RANBP2: variants seen among roughly 807,000 people sequenced by gnomAD.
RANBP2 encodes RAN binding protein 2.
A neutral mutation model predicts 303.6 loss-of-function variants in RANBP2; 57 were observed. The observed-to-expected ratio is 0.19, with a 90% CI of 0.15 to 0.23. RANBP2 has a LOEUF of 0.23. Among genes scored for constraint, RANBP2 ranks in the 10% least tolerant of loss-of-function variants. The probability of loss-of-function intolerance (pLI) is 1.00; values close to 1 mark genes in which losing one functional copy is unlikely to be tolerated. For missense variants in RANBP2, 3,138 were observed against 3,780.8 expected, an observed-to-expected ratio of 0.83 and a Z score of 4.46; for synonymous variants, 1,167 against 1,301.5, an observed-to-expected ratio of 0.90 and a Z score of 2.23.
chr2:109,066,397 G>A, the RANBP2 span, among the ~76,000 whole-genome samples: 3 of 152,128 alleles, frequency 2.0e-5, no homozygotes, highest in Non-Finnish European at 2.9e-5. Context: ...GTGAGCCACC[G>A]TGCTGGCCGT....
the RANBP2 span, among the ~76,000 whole-genome samples, chr2:109,061,626 A>G: frequency 6.6e-6 from 1 of 152,222 alleles, no homozygotes; most frequent in African/African-American, 2.4e-5. Context: ...GTCATGGCTA[A>G]TAAATGCAAT....
chr2:109,069,448 G>A, the RANBP2 span, among the ~76,000 whole-genome samples: 7 of 152,228 alleles, frequency 4.6e-5, no homozygotes, highest in Admixed American at 1.3e-4. Flanking sequence ...TTCCTCACTC[G>A]TGAAGCCATC....
chr2:109,341,299 T>C, the RANBP2 span, among the ~76,000 whole-genome samples: 6 of 152,226 alleles, frequency 3.9e-5, no homozygotes. Flanking sequence ...AACTTCTTCA[T>C]CGCGGATTAA....
chr2:109,168,944 G>A, the RANBP2 span, among the ~76,000 whole-genome samples: 106 of 152,246 alleles, frequency 7.0e-4, no homozygotes, highest in African/African-American at 2.5e-3. Flanking sequence ...TCATCTTCTC[G>A]AGGGCTCAGT....
the RANBP2 span, among the ~76,000 whole-genome samples, chr2:109,069,165 C>G: frequency 2.6e-5 from 4 of 152,108 alleles, no homozygotes; most frequent in South Asian, 8.3e-4. Flanking sequence ...TAATGTATCT[C>G]AGACATATAC....
At chr2:109,222,303 A>G in the RANBP2 span, among the ~76,000 whole-genome samples, 1 of 152,366 alleles carries the variant, frequency 6.6e-6, no homozygotes, top group East Asian at 1.9e-4. Flanking sequence ...TTAGTTAACA[A>G]CAATTTATTG....
the RANBP2 span, among the ~76,000 whole-genome samples, chr2:109,306,605 G>T: frequency 6.6e-6 from 1 of 152,182 alleles, no homozygotes; most frequent in Non-Finnish European, 1.5e-5. Context: ...TGCCATGGCC[G>T]CAACCCACTG....
At chr2:109,645,877 C>T in the RANBP2 span, among the ~76,000 whole-genome samples, 1 of 152,152 alleles carries the variant, frequency 6.6e-6, no homozygotes, top group African/African-American at 2.4e-5. Context: ...TACTGGCTCT[C>T]AGGGGTGCGC....
intron 7 of RANBP2, among the ~76,000 whole-genome samples, chr2:108,742,142 ATG>A (rs1274543734): frequency 2.0e-5 from 3 of 151,566 alleles, no homozygotes; most frequent in South Asian, 2.1e-4. Flanking sequence ...GATTACAGGC[ATG>A]CGCCACCACG....
At chr2:109,394,062 C>T in the RANBP2 span, among the ~76,000 whole-genome samples, 7 of 152,134 alleles carry the variant, frequency 4.6e-5, no homozygotes, top group Non-Finnish European at 8.8e-5. Context: ...CCCAGCCCCA[C>T]CCTCGGACGC....
At chr2:109,369,497 T>C in the RANBP2 span, among the ~76,000 whole-genome samples, 1 of 152,278 alleles carries the variant, frequency 6.6e-6, no homozygotes, top group Non-Finnish European at 1.5e-5. Context: ...TACGTTTTTC[T>C]GGCCTATAAT....
At chr2:109,523,538 G>C in the RANBP2 span, among the ~76,000 whole-genome samples, 1 of 151,868 alleles carries the variant, frequency 6.6e-6, no homozygotes, top group Non-Finnish European at 1.5e-5. Context: ...CTTATGTGTA[G>C]AATGGGTAGG....
the RANBP2 span, among the ~76,000 whole-genome samples, chr2:109,582,258 A>C: frequency 6.6e-6 from 1 of 152,172 alleles, no homozygotes; most frequent in South Asian, 2.1e-4. Flanking sequence ...TAGTTGGAAG[A>C]ATCAATATAG....
chr2:109,535,610 GGT>G, the RANBP2 span, among the ~76,000 whole-genome samples: 1 of 152,340 alleles, frequency 6.6e-6, no homozygotes, highest in East Asian at 1.9e-4. Flanking sequence ...TGTCTCCACA[GGT>G]GTGTTTCTGC....
At chr2:109,354,142 G>A in the RANBP2 span, among the ~76,000 whole-genome samples, 1 of 152,134 alleles carries the variant, frequency 6.6e-6, no homozygotes, top group Admixed American at 6.5e-5. Context: ...GGCTGAGGGA[G>A]TTTCTGAACT....
the RANBP2 span, among the ~76,000 whole-genome samples, chr2:109,167,564 T>G: frequency 6.6e-6 from 1 of 152,152 alleles, no homozygotes; most frequent in Non-Finnish European, 1.5e-5. Flanking sequence ...TTTATTTAAT[T>G]CATTTATTTA....
chr2:108,786,639 A>G (rs1258938910), downstream of RANBP2: 4 of 623,818 alleles, frequency 6.4e-6, no homozygotes, highest in East Asian at 1.2e-4. Flanking sequence ...CTAGCACGAG[A>G]AACTTGGAGG....
chr2:109,352,739 A>G, the RANBP2 span, among the ~76,000 whole-genome samples: 1 of 152,080 alleles, frequency 6.6e-6, no homozygotes, highest in African/African-American at 2.4e-5. Flanking sequence ...ACCTGCAGCC[A>G]CCTCTGTGCA....
the RANBP2 span, among the ~76,000 whole-genome samples, chr2:109,655,701 C>T: frequency 3.9e-4 from 59 of 152,270 alleles, no homozygotes; most frequent in African/African-American, 1.3e-3. Flanking sequence ...CTCCCTTCCA[C>T]TTGAACTGTT....
Sources: allele counts gnomAD v4.1 joint callset (sites outside exome capture counted in the v4.1 genomes callset), GRCh38; gene constraint gnomAD v4.1.1; transcripts MANE v1.5; gene names NCBI Gene and HGNC (gene_info 2026-07-23, HGNC 2026-07-21).